Variants in NCKAP5 observed in about 807,000 individuals in gnomAD.
The protein encoded by NCKAP5 is NCK associated protein 5.
NCKAP5 carries 92 observed loss-of-function variants against 167.0 expected under a neutral mutation model. The observed-to-expected ratio is 0.55, with a 90% CI of 0.47 to 0.66. NCKAP5 has a LOEUF of 0.66. Among genes scored for constraint, NCKAP5 ranks in the 30% least tolerant of loss-of-function variants. The pLI is 0.00. For missense variants in NCKAP5, 2,378 were observed against 2,315.0 expected (o/e 1.03, Z -0.56); for synonymous variants, 891 against 877.4 (o/e 1.02, Z -0.27).
rs979417800 is a variant in NCKAP5, at chr2:133,177,920, C to A, written c.207+35796G>T. 3.0e-4 allele frequency among the ~76,000 whole-genome samples: 45 copies of A among 152,166 alleles called. 1 individual carries two copies. The highest frequency in any genetic ancestry group is 1.1e-3 in the African/African-American group (44 of 41,438). On this transcript the variant is annotated intron_variant, in intron 5 of 19. Coordinates refer to ENST00000409261, the MANE Select transcript of NCKAP5 (RefSeq NM_207363.3). Reference sequence around the variant, plus strand: ...GCCTGGTGGAGAGGCAGGATTTCATCAATGCTGAGTGGCAAGGAGGCTGCC... The same window carrying A: ...GCCTGGTGGAGAGGCAGGATTTCATAAATGCTGAGTGGCAAGGAGGCTGCC...
rs1574012889 is a variant in NCKAP5, at chr2:132,729,097, T to C, written c.5444-145A>G. 2.5e-5 allele frequency: 28 copies of C among 1,108,042 alleles called. No homozygotes were observed. The East Asian group carries it at 6.1e-4, about 24-fold the overall frequency. 68.6% of individuals were successfully genotyped at this position (1,108,042 alleles called of 1,614,324 possible). ...TGGGCTTCCTGCCACTCTGTCCCAC[T>C]GTAGTCTGTGCTGCCCAAAACATCT... On this transcript the variant is annotated intron_variant, in intron 17 of 19. Coordinates refer to ENST00000409261, the MANE Select transcript of NCKAP5 (RefSeq NM_207363.3).
chr2:132,803,317 C>A (rs1685179559), intron 11 of NCKAP5, among the ~76,000 whole-genome samples: 1 of 152,194 alleles, frequency 6.6e-6, no homozygotes, highest in Non-Finnish European at 1.5e-5. Context: ...TCCCTGACAA[C>A]TTTTAGACTT....
intron 2 of NCKAP5, among the ~76,000 whole-genome samples, chr2:133,518,344 A>ATTTTT (rs751025050): frequency 0.056 from 4,174 of 74,502 alleles, 802 homozygotes; most frequent in East Asian, 0.16. Context: ...ACAGTAAAGG[A>ATTTTT]TTTTTTTTTT....
chr2:133,568,952 A>G (rs13421559), upstream of NCKAP5, among the ~76,000 whole-genome samples: 31,980 of 152,126 alleles, frequency 0.21, 3,494 homozygotes, highest in East Asian at 0.36. Context: ...CTAGTGTCTC[A>G]GCTTGGAGTA....
chr2:132,991,251 C>T (rs958608450), intron 7 of NCKAP5, among the ~76,000 whole-genome samples: 1 of 152,168 alleles, frequency 6.6e-6, no homozygotes. Context: ...GAATGAGCTA[C>T]AGTCTAGTCA....
intron 3 of NCKAP5, among the ~76,000 whole-genome samples, chr2:133,460,863 AG>A (rs1361150976): frequency 2.0e-5 from 3 of 152,204 alleles, no homozygotes; most frequent in Admixed American, 1.3e-4. Context: ...AAAATTTCAT[AG>A]GTAAGCCAAA....
chr2:133,269,160 A>G (rs1252206398), intron 4 of NCKAP5: 2 of 152,198 alleles, frequency 1.3e-5, no homozygotes, highest in Non-Finnish European at 2.9e-5. Context: ...ACTTCAAAAT[A>G]TATCATCTCA....
intron 4 of NCKAP5, among the ~76,000 whole-genome samples, chr2:133,265,692 C>G (rs1411142612): frequency 6.6e-6 from 1 of 151,810 alleles, no homozygotes; most frequent in Non-Finnish European, 1.5e-5. Flanking sequence ...CTCCCCTACA[C>G]GCGCAAGGGA....
intron 11 of NCKAP5, among the ~76,000 whole-genome samples, chr2:132,806,074 A>G (rs1685410510): frequency 6.6e-6 from 1 of 152,210 alleles, no homozygotes; most frequent in South Asian, 2.1e-4. Context: ...ACAGTCTCCA[A>G]TCTCATCCAG....
intron 16 of NCKAP5, among the ~76,000 whole-genome samples, chr2:132,741,929 G>T (rs1043707231): frequency 6.6e-6 from 1 of 152,034 alleles, no homozygotes; most frequent in Non-Finnish European, 1.5e-5. Flanking sequence ...CGTATGCAAG[G>T]CATTTTAAAC....
At chr2:132,820,760 C>T (rs1342463302) in intron 11 of NCKAP5, among the ~76,000 whole-genome samples, 6 of 152,132 alleles carry the variant, frequency 3.9e-5, no homozygotes, top group African/African-American at 7.2e-5. Context: ...CAGGATTACA[C>T]CTAGCTTTCA....
intron 19 of NCKAP5, among the ~76,000 whole-genome samples, chr2:132,723,932 G>A (rs986178178): frequency 1.3e-5 from 2 of 152,198 alleles, no homozygotes; most frequent in African/African-American, 4.8e-5. Flanking sequence ...CAGAGGAGTG[G>A]TTAGTCCTCA....
chr2:133,395,322 G>A (rs1006018856), intron 3 of NCKAP5, among the ~76,000 whole-genome samples: 1 of 152,122 alleles, frequency 6.6e-6, no homozygotes, highest in South Asian at 2.1e-4. Flanking sequence ...TGATATGAGG[G>A]CAACTCTTCT....
At chr2:133,308,433 G>A (rs186759777) in intron 3 of NCKAP5, among the ~76,000 whole-genome samples, 2 of 151,998 alleles carry the variant, frequency 1.3e-5, no homozygotes, top group African/African-American at 4.8e-5. Flanking sequence ...TAAGTATAAG[G>A]GTGTGTTTTG....
chr2:132,892,378 C>A (rs1487736867), intron 8 of NCKAP5, among the ~76,000 whole-genome samples: 2 of 152,130 alleles, frequency 1.3e-5, no homozygotes, highest in African/African-American at 4.8e-5. Flanking sequence ...TTTAGGGACT[C>A]CAAAATTTCT....
chr2:132,935,851 G>A (rs1174158141), intron 8 of NCKAP5, among the ~76,000 whole-genome samples: 1 of 152,180 alleles, frequency 6.6e-6, no homozygotes, highest in African/African-American at 2.4e-5. Context: ...CGCACTTCAT[G>A]AGAAGCAAAG....
At chr2:133,365,403 C>T (rs976936880) in intron 3 of NCKAP5, among the ~76,000 whole-genome samples, 1 of 152,126 alleles carries the variant, frequency 6.6e-6, no homozygotes, top group Admixed American at 6.5e-5. Context: ...GCTCCAAATA[C>T]TCATTCATTT....
intron 4 of NCKAP5, among the ~76,000 whole-genome samples, chr2:133,286,874 TTA>T (rs1679181060): frequency 6.6e-6 from 1 of 152,110 alleles, no homozygotes; most frequent in African/African-American, 2.4e-5. Context: ...CAGGGAGATG[TTA>T]TAAGTGGAGC....
chr2:133,587,415 T>C, the NCKAP5 span, among the ~76,000 whole-genome samples: 1 of 152,204 alleles, frequency 6.6e-6, no homozygotes, highest in Non-Finnish European at 1.5e-5. Flanking sequence ...GAAGACAACC[T>C]GAGTACAACA....
Sources: gnomAD v4.1 joint callset for allele counts (sites outside exome capture counted in the v4.1 genomes callset) on GRCh38, gnomAD v4.1.1 for gene constraint, MANE v1.5 for transcripts, NCBI Gene and HGNC (gene_info 2026-07-23, HGNC 2026-07-21) for gene names.